The following PRNP variants were observed in gnomAD, a reference collection of about 807,000 sequenced individuals.
The protein encoded by PRNP is major prion protein.
A neutral mutation model predicts 21.3 loss-of-function variants in PRNP; 15 were observed. The observed-to-expected ratio is 0.71, with a 90% confidence interval of 0.47 to 1.09. PRNP has a LOEUF of 1.09. PRNP is among the 50% of genes least tolerant of loss of function. The pLI, the probability that PRNP is intolerant of heterozygous loss-of-function variation, is 0.00. For synonymous variants in PRNP, 121 were observed against 123.1 expected (o/e 0.98, Z 0.11); for missense variants, 285 against 340.9 (o/e 0.84, Z 1.29).
intron 1 of PRNP, among the ~76,000 whole-genome samples, chr20:4,695,302 T>C (rs932093777): frequency 1.3e-5 from 2 of 152,282 alleles, no homozygotes; most frequent in South Asian, 2.1e-4. Context: ...AGCCCTCCGA[T>C]AGGCCCTAGT....
chr20:4,694,501 A>C (rs1922043550), intron 1 of PRNP, among the ~76,000 whole-genome samples: 1 of 152,206 alleles, frequency 6.6e-6, no homozygotes, highest in African/African-American at 2.4e-5. Flanking sequence ...GCATAAAGTA[A>C]TTTATTAACC....
chr20:4,699,943 C>T lies in PRNP; in HGVS notation c.723C>T (p.Ile241=). The T allele has an allele frequency of 6.2e-7, 1 of 1,613,638 alleles. No individual in the cohort carries two copies. Among genetic ancestry groups the T allele is most frequent in the Non-Finnish European group, 8.5e-7 (1 of 1,179,766 alleles). The change falls in exon 2 of 2, where the codon ATC becomes ATT. Residue 241 remains isoleucine, a synonymous_variant. Transcript: ENST00000379440. The surrounding 1 kb of genome is among the most constrained non-coding windows in gnomAD (Gnocchi z 5.8). ...TCCTCTTCTCCTCTCCACCTGTGAT[C>T]CTCCTGATCTCTTTCCTCATCTTCC... is the stretch of plus-strand genomic sequence containing the variant. ...SMVLFSSPPV[I]LLISFLIFLI...
chr20:4,699,742 C>T lies in PRNP; in HGVS notation c.522C>T (p.Asn174=). 2 of 1,614,106 alleles carry T rather than the reference C, an allele frequency of 1.2e-6. No homozygotes were observed. Among genetic ancestry groups the T allele is most frequent in the East Asian group, 4.5e-5 (2 of 44,872 alleles). Reference sequence around the variant, plus strand: ...TGGATGAGTACAGCAACCAGAACAACTTTGTGCACGACTGCGTCAATATCA... The same window carrying T: ...TGGATGAGTACAGCAACCAGAACAATTTTGTGCACGACTGCGTCAATATCA... ...RPMDEYSNQN[N]FVHDCVNITI... is the part of the protein sequence containing the mutation. The change falls in exon 2 of 2, where the codon AAC becomes AAT. Residue 174 remains asparagine (N), a synonymous_variant. Coordinates refer to ENST00000379440, the MANE Select transcript of PRNP (RefSeq NM_000311.5). The surrounding 1 kb of genome is among the most constrained non-coding windows in gnomAD (Gnocchi z 5.8).
chr20:4,693,261 G>A (rs930363085), intron 1 of PRNP, among the ~76,000 whole-genome samples: 13 of 152,204 alleles, frequency 8.5e-5, no homozygotes, highest in African/African-American at 2.2e-4. Flanking sequence ...CCCAGGCCAC[G>A]CCACCATCTT....
At chr20:4,696,498 GT>G (rs1922178538) in intron 1 of PRNP, among the ~76,000 whole-genome samples, 1 of 152,300 alleles carries the variant, frequency 6.6e-6, no homozygotes, top group African/African-American at 2.4e-5. Flanking sequence ...TCTAGCGTTG[GT>G]TCTCATGTTA....
Position 4,700,287 on chromosome 20 carries a change from C to T in PRNP, c.*305C>T. On this transcript the variant is annotated 3_prime_UTR_variant, in exon 2 of 2. Coordinates refer to ENST00000379440, the MANE Select transcript of PRNP (RefSeq NM_000311.5). The surrounding 1 kb of genome is among the most constrained non-coding windows in gnomAD (Gnocchi z 4.1). The stretch of plus-strand genomic sequence containing the variant: ...TTGGACTTAGTGCAACAGGTTGAGG[C>T]TAAAACAAATCTCAGAACAGTCTGA... The T allele has an allele frequency of 1.4e-6, 1 of 726,900 alleles. No individual in the cohort carries two copies. The highest frequency in any genetic ancestry group is 1.5e-5 in the South Asian group (1 of 65,048). The allele number at this position is 726,900 out of a possible 1,614,324, so 45.0% of individuals were successfully genotyped here. A position where few individuals can be genotyped will look rare whatever the true frequency, so the allele number is the denominator to read the frequency against.
At chr20:4,698,981 A>C (rs908491267) in intron 1 of PRNP, among the ~76,000 whole-genome samples, 1 of 152,230 alleles carries the variant, frequency 6.6e-6, no homozygotes, top group African/African-American at 2.4e-5. Context: ...AAAGTCATTC[A>C]TCAAGTCCAT....
intron 1 of PRNP, among the ~76,000 whole-genome samples, chr20:4,693,670 A>G (rs187260814): frequency 1.3e-5 from 2 of 152,208 alleles, no homozygotes; most frequent in East Asian, 1.9e-4. Context: ...TAAGCCCACC[A>G]AGCTAAGTAT....
chr20:4,698,579 G>GT (rs869216012), intron 1 of PRNP, among the ~76,000 whole-genome samples: 2 of 152,062 alleles, frequency 1.3e-5, no homozygotes, highest in East Asian at 3.9e-4. Context: ...GCTGGGTATT[G>GT]TTTTTTTAAA....
Position 4,697,206 on chromosome 20 carries a change from T to C in PRNP, c.-10-2005T>C, listed in dbSNP as rs191606761. Among the ~76,000 whole-genome samples, 7 of 152,364 alleles carry C rather than the reference T, an allele frequency of 4.6e-5. No individual in the cohort carries two copies. The East Asian group carries it at 1.3e-3, about 29-fold the overall frequency. On this transcript the variant is annotated intron_variant, in intron 1 of 1. Coordinates refer to ENST00000379440, the MANE Select transcript of PRNP (RefSeq NM_000311.5). The surrounding 1 kb of genome is among the most constrained non-coding windows in gnomAD (Gnocchi z 4.6). ...TCTTTGTATATCCATTATAAATATT[T>C]AGTATTTAGTTTGATTATTCCTTAT...
rs886332650 is a variant in PRNP, at chr20:4,686,812, C to T, written c.-11+300C>T. On this transcript the variant is annotated intron_variant, in intron 1 of 1. Transcript: ENST00000379440. This position sits in a 1 kb window ranked among gnomAD's most constrained non-coding sequence, Gnocchi z 6.7. ...AGCCCCGTTAGGGAGGTCGGTGGCG[C>T]CGGGGTGTCTCAGCGCCCCCTGCAC... is the stretch of plus-strand genomic sequence containing the variant. The T allele has an allele frequency of 2.6e-5, 4 of 151,706 alleles. No homozygotes were observed. The highest frequency in any genetic ancestry group is 2.6e-4 in the Admixed American group (4 of 15,234). The allele number at this position is 151,706 out of a possible 1,614,324, so 9.4% of individuals were successfully genotyped here. A position where few individuals can be genotyped will look rare whatever the true frequency, so the allele number is the denominator to read the frequency against.
intron 1 of PRNP, among the ~76,000 whole-genome samples, chr20:4,698,686 A>G (rs1283420747): frequency 6.6e-6 from 1 of 152,220 alleles, no homozygotes; most frequent in South Asian, 2.1e-4. Context: ...AGTATATGCC[A>G]TTATAGGTTT....
chr20:4,687,781 T>A (rs548232074), intron 1 of PRNP, among the ~76,000 whole-genome samples: 65 of 152,304 alleles, frequency 4.3e-4, no homozygotes, highest in Non-Finnish European at 7.8e-4. Context: ...AATTAGCAGT[T>A]CCCCATATGA....
At chr20:4,689,269 G>A (rs542082276) in intron 1 of PRNP, among the ~76,000 whole-genome samples, 9 of 152,142 alleles carry the variant, frequency 5.9e-5, no homozygotes, top group Non-Finnish European at 1.3e-4. Context: ...GTGGTCTTAG[G>A]AAGGTTGAAA....
Position 4,699,845 on chromosome 20 carries a change from G to C in PRNP, c.625G>C (p.Val209Leu). ...TETDVKMMER[V>L]VEQMCITQYE... Reference sequence around the variant, plus strand: ...GACCGACGTTAAGATGATGGAGCGCGTGGTTGAGCAGATGTGTATCACCCA... The same window carrying C: ...GACCGACGTTAAGATGATGGAGCGCCTGGTTGAGCAGATGTGTATCACCCA... Residue 209 changes from valine (V) to leucine (L), a missense_variant, in exon 2 of 2, where the codon GTG becomes CTG. Coordinates refer to ENST00000379440, the MANE Select transcript of PRNP (RefSeq NM_000311.5). This position sits in a 1 kb window ranked among gnomAD's most constrained non-coding sequence, Gnocchi z 5.8. 1 of 1,613,708 alleles carries C rather than the reference G, an allele frequency of 6.2e-7. No individual in the cohort carries two copies. Among genetic ancestry groups the C allele is most frequent in the Admixed American group, 1.7e-5 (1 of 59,976 alleles).
intron 1 of PRNP, among the ~76,000 whole-genome samples, chr20:4,694,318 T>C (rs958329134): frequency 7.9e-5 from 12 of 152,026 alleles, no homozygotes; most frequent in African/African-American, 2.7e-4. Flanking sequence ...CTGGGCAACA[T>C]AGCAAGACCC....
Position 4,699,558 on chromosome 20 carries a change from C to T in PRNP, c.338C>T (p.Ala113Val), listed in dbSNP as rs1922424789. 1 of 1,613,876 alleles carries T rather than the reference C, an allele frequency of 6.2e-7. No homozygotes were observed. Among genetic ancestry groups the T allele is most frequent in the African/African-American group, 1.3e-5 (1 of 74,892 alleles). ...SKPKTNMKHM[A>V]GAAAAGAVVG... The stretch of plus-strand genomic sequence containing the variant: ...CCAAAAACCAACATGAAGCACATGG[C>T]TGGTGCTGCAGCAGCTGGGGCAGTG... Residue 113 changes from alanine to valine, a missense_variant, in exon 2 of 2, where the codon GCT (alanine) becomes GTT (valine). Ala to Val is a moderately conservative substitution (Grantham distance 64). Transcript: ENST00000379440. This position sits in a 1 kb window ranked among gnomAD's most constrained non-coding sequence, Gnocchi z 5.8.
Position 4,699,900 on chromosome 20 carries a change from A to G in PRNP, c.680A>G (p.Gln227Arg). ...GAGAGGGAATCTCAGGCCTATTACCAGAGAGGATCGAGCATGGTCCTCTTC... is the reference window on the plus strand; with the variant it reads ...GAGAGGGAATCTCAGGCCTATTACCGGAGAGGATCGAGCATGGTCCTCTTC... Reference protein sequence around the residue: ...QYERESQAYYQRGSSMVLFSS... With the variant: ...QYERESQAYYRRGSSMVLFSS... Residue 227 changes from glutamine (Q) to arginine (R), a missense_variant, in exon 2 of 2, where the codon CAG becomes CGG. Transcript: ENST00000379440. The surrounding 1 kb of genome is among the most constrained non-coding windows in gnomAD (Gnocchi z 5.8). 1.2e-6 allele frequency: 2 copies of G among 1,613,716 alleles called. No individual in the cohort carries two copies. The highest frequency in any genetic ancestry group is 1.7e-6 in the Non-Finnish European group (2 of 1,179,960).
intron 1 of PRNP, among the ~76,000 whole-genome samples, chr20:4,693,491 T>C (rs1458711278): frequency 6.6e-6 from 1 of 152,082 alleles, no homozygotes; most frequent in African/African-American, 2.4e-5. Flanking sequence ...GATGTTACTG[T>C]CCTACTAAGA....
Sources: allele counts gnomAD v4.1 joint callset (sites outside exome capture counted in the v4.1 genomes callset), GRCh38; gene constraint gnomAD v4.1.1; non-coding constraint Gnocchi (gnomAD v3.1); transcripts MANE v1.5; gene names NCBI Gene and HGNC (gene_info 2026-07-23, HGNC 2026-07-21).